The following EYA4 variants were observed in gnomAD, a reference collection of about 807,000 sequenced individuals.
EYA4 encodes EYA transcriptional coactivator and phosphatase 4.
A neutral mutation model predicts 87.9 loss-of-function variants in EYA4; 31 were observed. That is an observed-to-expected ratio of 0.35 (90% CI 0.27 to 0.48). The LOEUF (loss-of-function observed/expected upper bound fraction) is 0.48, where lower values mean the gene tolerates loss of function less well. Among genes scored for constraint, EYA4 ranks in the 20% least tolerant of loss-of-function variants. The probability of loss-of-function intolerance (pLI) is 0.99; values close to 1 mark genes in which losing one functional copy is unlikely to be tolerated. For missense variants in EYA4, 678 were observed against 761.4 expected, an observed-to-expected ratio of 0.89 and a Z score of 1.29; for synonymous variants, 263 against 270.6, an observed-to-expected ratio of 0.97 and a Z score of 0.28.
chr6:133,376,600 A>G (rs1156940363), intron 2 of EYA4, among the ~76,000 whole-genome samples: 2 of 151,996 alleles, frequency 1.3e-5, no homozygotes, highest in Non-Finnish European at 2.9e-5. Flanking sequence ...ATATAATAAA[A>G]GAACCTTGCT....
chr6:133,322,610 G>A (rs1332578408), intron 2 of EYA4, among the ~76,000 whole-genome samples: 4 of 152,000 alleles, frequency 2.6e-5, no homozygotes, highest in Admixed American at 2.6e-4. Flanking sequence ...ATAGTAGCTG[G>A]GCCTAATTTT....
intron 1 of EYA4, among the ~76,000 whole-genome samples, chr6:133,268,874 G>C (rs532386904): frequency 6.6e-5 from 10 of 152,060 alleles, no homozygotes; most frequent in Non-Finnish European, 1.3e-4. Context: ...TTTCCATCAC[G>C]GTTTCTTAGC....
At chr6:133,343,490 G>A (rs980311806) in intron 2 of EYA4, among the ~76,000 whole-genome samples, 1 of 151,496 alleles carries the variant, frequency 6.6e-6, no homozygotes, top group Non-Finnish European at 1.5e-5. Flanking sequence ...TCATTCCTCG[G>A]TGCTTCCCGA....
intron 2 of EYA4, among the ~76,000 whole-genome samples, chr6:133,344,994 A>G (rs1345906233): frequency 6.6e-6 from 1 of 152,130 alleles, no homozygotes; most frequent in Non-Finnish European, 1.5e-5. Context: ...CTTCCATTTT[A>G]GAAAGGAACA....
At chr6:133,377,480 G>T (rs369688570) in intron 2 of EYA4, among the ~76,000 whole-genome samples, 3 of 151,412 alleles carry the variant, frequency 2.0e-5, no homozygotes, top group East Asian at 3.9e-4. Context: ...GATATCTCAG[G>T]CATTCAGTAA....
chr6:133,477,638 T>G (rs1286199758), intron 11 of EYA4, among the ~76,000 whole-genome samples: 1 of 152,088 alleles, frequency 6.6e-6, no homozygotes, highest in Non-Finnish European at 1.5e-5. Flanking sequence ...TCCATTGCTA[T>G]TTGCCTGAGA....
chr6:133,464,494 C>T (rs1388802946), intron 9 of EYA4, among the ~76,000 whole-genome samples: 1 of 152,070 alleles, frequency 6.6e-6, no homozygotes, highest in Non-Finnish European at 1.5e-5. Context: ...CCTTTGCATA[C>T]CCCTGCACTT....
rs531819011 is a variant in EYA4 at position 133,391,222 on chromosome 6, G to GTTTTTTTTTTTTTT, written c.83+8784_83+8797dup. On this transcript the variant is annotated intron_variant, in intron 3 of 19. Transcript: ENST00000355286. ...CTATTATTTTTTGGGTTTTGTTTTT[G>GTTTTTTTTTTTTTT]TTTTTTTTTTTTTTTTGAGATGGAG... Among the ~76,000 whole-genome samples the GTTTTTTTTTTTTTT allele has an allele frequency of 3.5e-4, 31 of 89,800 alleles. 1 individual carries two copies. Among genetic ancestry groups the GTTTTTTTTTTTTTT allele is most frequent in the Middle Eastern group, 6.6e-3 (1 of 152 alleles). The allele number at this position is 89,800 out of a possible 152,430, so 58.9% of individuals were successfully genotyped here.
At chr6:133,271,477 G>A (rs544076428) in intron 1 of EYA4, among the ~76,000 whole-genome samples, 84 of 152,312 alleles carry the variant, frequency 5.5e-4, no homozygotes, top group Non-Finnish European at 9.7e-4. Flanking sequence ...GAAGCATTGC[G>A]TGCAGAATAG....
chr6:133,270,955 A>G (rs1776639152), intron 1 of EYA4, among the ~76,000 whole-genome samples: 1 of 152,168 alleles, frequency 6.6e-6, no homozygotes, highest in South Asian at 2.1e-4. Flanking sequence ...ATCCAGTTTA[A>G]TGGAATCGTT....
chr6:133,501,071 CTG>C (rs1430920401), intron 13 of EYA4, among the ~76,000 whole-genome samples: 1 of 152,104 alleles, frequency 6.6e-6, no homozygotes, highest in Non-Finnish European at 1.5e-5. Flanking sequence ...CCTCTGGGCT[CTG>C]TGTATGTTCG....
At chr6:133,460,201 AC>A (rs1794256499) in intron 6 of EYA4, among the ~76,000 whole-genome samples, 1 of 152,156 alleles carries the variant, frequency 6.6e-6, no homozygotes, top group Non-Finnish European at 1.5e-5. Flanking sequence ...TGCATTGTGT[AC>A]TACTTTAATC....
At chr6:133,396,827 A>G (rs1487143563) in intron 3 of EYA4, among the ~76,000 whole-genome samples, 1 of 152,166 alleles carries the variant, frequency 6.6e-6, no homozygotes, top group African/African-American at 2.4e-5. Flanking sequence ...CGCAGGGCTG[A>G]CAGCACATGA....
chr6:133,482,954 G>A, intron 12 of EYA4, 78 bp from the exon 13 acceptor site: 1 of 1,116,814 alleles, frequency 9.0e-7, no homozygotes, highest in Non-Finnish European at 1.4e-6. Flanking sequence ...CTCTAGGAAG[G>A]GAGACATTTT....
intron 2 of EYA4, among the ~76,000 whole-genome samples, chr6:133,311,095 TTAGTATTACCATTACCCAGG>T: frequency 6.6e-6 from 1 of 152,102 alleles, no homozygotes; most frequent in South Asian, 2.1e-4. Flanking sequence ...ATACATTCTC[TTAGTATTACCATTACCCAGG>T]CTTGTCCATT....
At chr6:133,376,129 G>T (rs191939271) in intron 2 of EYA4, among the ~76,000 whole-genome samples, 91 of 151,820 alleles carry the variant, frequency 6.0e-4, no homozygotes, top group Middle Eastern at 3.4e-3. Context: ...TTTACAAAGA[G>T]TTTGGCATGC....
At chr6:133,482,663 T>A (rs1279691717) in intron 12 of EYA4, among the ~76,000 whole-genome samples, 1 of 152,250 alleles carries the variant, frequency 6.6e-6, no homozygotes, top group Non-Finnish European at 1.5e-5. Flanking sequence ...TAAAATCTAA[T>A]TCTTTGCAGA....
At chr6:133,272,740 G>A (rs1171066821) in intron 1 of EYA4, among the ~76,000 whole-genome samples, 3 of 152,132 alleles carry the variant, frequency 2.0e-5, no homozygotes, top group African/African-American at 7.2e-5. Flanking sequence ...GGATCATATG[G>A]CCCAAGTGGC....
intron 2 of EYA4, among the ~76,000 whole-genome samples, chr6:133,289,953 A>G (rs779310628): frequency 1.8e-4 from 27 of 151,930 alleles, no homozygotes; most frequent in African/African-American, 2.7e-4. Context: ...AAGGGCAAAC[A>G]CTCCCTACTT....
Sources: gnomAD v4.1 joint callset for allele counts (sites outside exome capture counted in the v4.1 genomes callset) on GRCh38, gnomAD v4.1.1 for gene constraint, MANE v1.5 for transcripts, NCBI Gene and HGNC (gene_info 2026-07-23, HGNC 2026-07-21) for gene names.